RTN1: variants seen among roughly 807,000 people sequenced by gnomAD.
RTN1 encodes reticulon-1.
A neutral mutation model predicts 65.5 loss-of-function variants in RTN1; 25 were observed. That is an observed-to-expected ratio of 0.38 (90% CI 0.28 to 0.53). The LOEUF is 0.53. RTN1 is among the 20% of genes least tolerant of loss of function. The pLI is 0.79. For missense variants in RTN1, 983 were observed against 1,025.4 expected (o/e 0.96, Z 0.57); for synonymous variants, 471 against 447.6 (o/e 1.05, Z -0.66).
At chr14:59,660,323 C>T (rs1187676048) in intron 3 of RTN1, among the ~76,000 whole-genome samples, 2 of 152,126 alleles carry the variant, frequency 1.3e-5, no homozygotes, top group African/African-American at 4.8e-5. Context: ...CAATATCAAA[C>T]AGATCAATGA....
At chr14:59,869,308 C>G (rs1295494508) in intron 1 of RTN1, among the ~76,000 whole-genome samples, 5 of 151,724 alleles carry the variant, frequency 3.3e-5, no homozygotes, top group Admixed American at 2.0e-4. Flanking sequence ...TCTGGGAGCA[C>G]CCCCCACCCC....
chr14:59,838,737 A>AT (rs2139649602), intron 1 of RTN1, among the ~76,000 whole-genome samples: 1 of 152,280 alleles, frequency 6.6e-6, no homozygotes, highest in Non-Finnish European at 1.5e-5. Context: ...TCCAGGGTAC[A>AT]TAACTGTAGG....
chr14:59,785,998 C>G (rs924397164), intron 1 of RTN1, among the ~76,000 whole-genome samples: 1 of 152,172 alleles, frequency 6.6e-6, no homozygotes, highest in African/African-American at 2.4e-5. Flanking sequence ...TGTGCTTTCT[C>G]ATTTTGGCCA....
chr14:59,673,754 T>A, intron 3 of RTN1, among the ~76,000 whole-genome samples: 1 of 152,174 alleles, frequency 6.6e-6, no homozygotes, highest in East Asian at 1.9e-4. Flanking sequence ...GTGGACTCTA[T>A]CGAGAACTGG....
intron 1 of RTN1, among the ~76,000 whole-genome samples, chr14:59,788,970 A>G (rs1886300220): frequency 6.6e-6 from 1 of 152,116 alleles, no homozygotes; most frequent in African/African-American, 2.4e-5. Context: ...AAATTTATGT[A>G]AGTCTACTTT....
At chr14:59,691,013 C>A (rs1360491358) in intron 3 of RTN1, among the ~76,000 whole-genome samples, 3 of 152,054 alleles carry the variant, frequency 2.0e-5, no homozygotes, top group Non-Finnish European at 4.4e-5. Context: ...AATCTAATAT[C>A]CCACCTACAG....
intron 1 of RTN1, among the ~76,000 whole-genome samples, chr14:59,827,701 G>A (rs1460846301): frequency 6.6e-6 from 1 of 152,148 alleles, no homozygotes; most frequent in Non-Finnish European, 1.5e-5. Context: ...GCCTCCTCAA[G>A]CCAGTTTCTA....
chr14:59,672,158 T>C (rs547041544), intron 3 of RTN1, among the ~76,000 whole-genome samples: 2 of 152,248 alleles, frequency 1.3e-5, no homozygotes, highest in South Asian at 4.1e-4. Context: ...CTACTTTAGA[T>C]GCCATTTGAC....
Position 59,611,656 on chromosome 14 carries a change from T to TG in RTN1, c.1766-4165dup, listed in dbSNP as rs756091295. The stretch of plus-strand genomic sequence containing the variant: ...TTTGCAGGGTGTCTGTTTTGCAATT[T>TG]GGGGGGTCTCAGTTGGTTCTTTCTA... On this transcript the variant is annotated intron_variant, in intron 3 of 8. Coordinates refer to ENST00000267484, the MANE Select transcript of RTN1 (RefSeq NM_021136.3). Among the ~76,000 whole-genome samples, 12 of 152,236 alleles carry TG rather than the reference T, an allele frequency of 7.9e-5. No homozygotes were observed. The East Asian group carries it at 9.6e-4, about 12-fold the overall frequency.
chr14:59,689,031 C>G (rs964125474), intron 3 of RTN1, among the ~76,000 whole-genome samples: 1 of 151,984 alleles, frequency 6.6e-6, no homozygotes, highest in Non-Finnish European at 1.5e-5. Context: ...GGAAGCTCAA[C>G]AAGATCCACG....
At chr14:59,669,320 T>C (rs917356754) in intron 3 of RTN1, among the ~76,000 whole-genome samples, 3 of 151,744 alleles carry the variant, frequency 2.0e-5, no homozygotes, top group Admixed American at 6.6e-5. Context: ...ATGGATGGAG[T>C]TGGAAATCAT....
intron 3 of RTN1, among the ~76,000 whole-genome samples, chr14:59,656,362 T>C: frequency 6.6e-6 from 1 of 152,196 alleles, no homozygotes; most frequent in South Asian, 2.1e-4. Flanking sequence ...ATATAAATTG[T>C]ATGTTAATTA....
At chr14:59,777,415 C>G (rs1214746464) in intron 1 of RTN1, among the ~76,000 whole-genome samples, 2 of 152,178 alleles carry the variant, frequency 1.3e-5, no homozygotes, top group African/African-American at 4.8e-5. Context: ...AAAGCTGCAA[C>G]AAGGCTACAC....
At chr14:59,621,483 G>A (rs1594636823) in intron 3 of RTN1, among the ~76,000 whole-genome samples, 2 of 152,198 alleles carry the variant, frequency 1.3e-5, no homozygotes, top group African/African-American at 4.8e-5. Context: ...ACTGGGCTTG[G>A]TGATCACCAT....
chr14:59,843,856 A>T (rs1376290602), intron 1 of RTN1, among the ~76,000 whole-genome samples: 1 of 152,232 alleles, frequency 6.6e-6, no homozygotes, highest in Admixed American at 6.5e-5. Context: ...TTTAGTAAGC[A>T]ACAATTGTAG....
intron 2 of RTN1, among the ~76,000 whole-genome samples, chr14:59,735,494 T>C (rs775020761): frequency 9.2e-5 from 14 of 151,982 alleles, no homozygotes; most frequent in Non-Finnish European, 1.9e-4. Context: ...AAGAGACCCA[T>C]CTCACATGCA....
At chr14:59,676,910 T>C (rs1019912497) in intron 3 of RTN1, among the ~76,000 whole-genome samples, 1 of 152,186 alleles carries the variant, frequency 6.6e-6, no homozygotes, top group Non-Finnish European at 1.5e-5. Context: ...CTAAGAGGTA[T>C]GATGGTAGCC....
At chr14:59,632,948 A>C (rs1315615004) in intron 3 of RTN1, among the ~76,000 whole-genome samples, 1 of 152,024 alleles carries the variant, frequency 6.6e-6, no homozygotes, top group East Asian at 1.9e-4. Context: ...TACAAAAAAA[A>C]AATTTTTTCC....
intron 1 of RTN1, among the ~76,000 whole-genome samples, chr14:59,787,729 G>A (rs1419006040): frequency 1.3e-5 from 2 of 152,084 alleles, no homozygotes; most frequent in African/African-American, 2.4e-5. Flanking sequence ...TTGTGTCTGG[G>A]GTCTCATGTA....
Sources: allele counts gnomAD v4.1 joint callset (sites outside exome capture counted in the v4.1 genomes callset), GRCh38; gene constraint gnomAD v4.1.1; transcripts MANE v1.5; gene names NCBI Gene and HGNC (gene_info 2026-07-23, HGNC 2026-07-21).